Variants in SEC23A observed in about 807,000 individuals in gnomAD.
The protein encoded by SEC23A is SEC23 homolog A, COPII component.
Under a neutral mutation model 103.7 loss-of-function variants are expected in SEC23A, and 56 were observed. The ratio of observed to expected loss-of-function variants is 0.54; its 90% CI spans 0.44 to 0.67. SEC23A has a LOEUF of 0.67. Ranked by LOEUF, SEC23A falls within the 30% of genes least tolerant of loss-of-function variation. SEC23A has a pLI of 0.00. For missense variants in SEC23A, 784 were observed against 936.4 expected, an observed-to-expected ratio of 0.84 and a Z score of 2.12; for synonymous variants, 281 against 293.0, an observed-to-expected ratio of 0.96 and a Z score of 0.42.
chr14:39,070,792 CAT>C, intron 9 of SEC23A, among the ~76,000 whole-genome samples: 1 of 152,280 alleles, frequency 6.6e-6, no homozygotes, highest in African/African-American at 2.4e-5. Flanking sequence ...TTTGGGAGGC[CAT>C]GGCAGGTGGA....
intron 15 of SEC23A, among the ~76,000 whole-genome samples, chr14:39,047,665 C>G (rs577959219): frequency 1.3e-5 from 2 of 152,156 alleles, no homozygotes; most frequent in African/African-American, 2.4e-5. Context: ...TAAAATCATC[C>G]ATTTGGAAGG....
intron 16 of SEC23A, 54 bp from the exon 17 acceptor site, chr14:39,042,926 A>G (rs1342856172): frequency 2.0e-6 from 2 of 1,015,958 alleles, no homozygotes; most frequent in Non-Finnish European, 3.1e-6. Context: ...AATCTACTCA[A>G]TAATATAAAA....
At chr14:39,092,345 G>A (rs957557632) in intron 4 of SEC23A, among the ~76,000 whole-genome samples, 196 bp downstream of exon 4, 3 of 152,122 alleles carry the variant, frequency 2.0e-5, no homozygotes, top group African/African-American at 7.2e-5. Context: ...ACCCTACCCA[G>A]TATCTTGGCC....
At chr14:39,070,975 C>T (rs763578652) in intron 9 of SEC23A, among the ~76,000 whole-genome samples, 18 of 151,666 alleles carry the variant, frequency 1.2e-4, no homozygotes, top group Non-Finnish European at 2.1e-4. Context: ...TGCAGTGAGC[C>T]GAGATCGTGC....
At chr14:39,067,417 G>T in intron 9 of SEC23A, 121 bp from the exon 10 acceptor site, 1 of 1,030,030 alleles carries the variant, frequency 9.7e-7, no homozygotes, top group Non-Finnish European at 1.4e-6. Context: ...TTCCCAAAAT[G>T]TGCTGTATTA....
At position 39,045,247 on chromosome 14, in the gene SEC23A, G is replaced by A. The variant is rs745505951; in HGVS notation, c.1815C>T (p.His605=). The change falls in exon 16 of 20, where the codon CAC becomes CAT. Residue 605 remains histidine, a synonymous_variant. Transcript: ENST00000307712. ...NSPDESSYYR[H]HFMRQDLTQS... ...GGGTCAGATCTTGACGCATAAAATG[G>A]TGACGATAATATGAACTCTCATCAG... 14 of 1,612,844 alleles carry A rather than the reference G, an allele frequency of 8.7e-6. No individual in the cohort carries two copies. The highest frequency in any genetic ancestry group is 1.7e-5 in the Admixed American group (1 of 59,994).
chr14:39,086,535 T>C (rs761621554), intron 6 of SEC23A, among the ~76,000 whole-genome samples: 2 of 152,020 alleles, frequency 1.3e-5, no homozygotes, highest in East Asian at 1.9e-4. Flanking sequence ...GGCAGGAGAA[T>C]TGTTTGAACC....
intron 14 of SEC23A, among the ~76,000 whole-genome samples, chr14:39,050,063 C>T (rs1310816734): frequency 1.3e-5 from 2 of 152,162 alleles, no homozygotes; most frequent in South Asian, 4.1e-4. Flanking sequence ...CCACCGTGCC[C>T]GGCCAAAAAC....
chr14:39,059,302 AAAAAAAAAC>A (rs1886383867), intron 13 of SEC23A, among the ~76,000 whole-genome samples: 3 of 108,458 alleles, frequency 2.8e-5, no homozygotes, highest in Non-Finnish European at 6.0e-5. Flanking sequence ...AAAAAAAAAA[AAAAAAAAAC>A]AACAAGGTGC....
intron 9 of SEC23A, among the ~76,000 whole-genome samples, chr14:39,068,936 TAA>T (rs1186449305): frequency 6.6e-6 from 1 of 152,206 alleles, no homozygotes; most frequent in Non-Finnish European, 1.5e-5. Flanking sequence ...AATTTATAAT[TAA>T]ACTTTGTACA....
chr14:39,039,521 G>C lies in SEC23A; in HGVS notation c.2143-425C>G, dbSNP rs543296501. The C allele has an allele frequency of 5.2e-5, 9 of 172,424 alleles. No homozygotes were observed. The South Asian group carries it at 5.8e-4, about 11-fold the overall frequency. The allele number at this position is 172,424 out of a possible 1,614,324, so 10.7% of individuals were successfully genotyped here. A position where few individuals can be genotyped will look rare whatever the true frequency, so the allele number is the denominator to read the frequency against. On this transcript the variant is annotated intron_variant, in intron 18 of 19. Coordinates refer to ENST00000307712, the MANE Select transcript of SEC23A (RefSeq NM_006364.4). ...TTTCTTAAACCACAGGTGATTCTAT[G>C]AGACAAGTGATCCAACATTTTATCC...
chr14:39,091,112 TA>T, intron 5 of SEC23A: 2 of 391,742 alleles, frequency 5.1e-6, no homozygotes, highest in Non-Finnish European at 4.8e-6. Flanking sequence ...ACCTCTTTTA[TA>T]ACATGTTCAA....
chr14:39,034,966 T>TA (rs1885413805), intron 19 of SEC23A, among the ~76,000 whole-genome samples: 1 of 152,194 alleles, frequency 6.6e-6, no homozygotes, highest in Admixed American at 6.5e-5. Context: ...TGTAAGCTAT[T>TA]AGAGTCCATT....
intron 15 of SEC23A, 110 bp from the exon 16 acceptor site, chr14:39,045,434 T>C: frequency 2.7e-6 from 2 of 737,134 alleles, no homozygotes; most frequent in Non-Finnish European, 4.4e-6. Flanking sequence ...ACAAAACATG[T>C]TATTATAAGA....
intron 7 of SEC23A, among the ~76,000 whole-genome samples, chr14:39,084,436 T>TA (rs1887355594): frequency 6.6e-6 from 1 of 152,190 alleles, no homozygotes; most frequent in Non-Finnish European, 1.5e-5. Context: ...CTTTCCAGAA[T>TA]CATGTCTGTA....
intron 13 of SEC23A, among the ~76,000 whole-genome samples, chr14:39,056,300 T>C (rs7152392): frequency 0.27 from 40,548 of 152,068 alleles, 6,570 homozygotes; most frequent in Non-Finnish European, 0.35. Context: ...AGTCTCCTGA[T>C]TCCCACAACA....
chr14:39,075,602 G>T (rs201225765), intron 8 of SEC23A, among the ~76,000 whole-genome samples: 4 of 152,078 alleles, frequency 2.6e-5, no homozygotes, highest in Non-Finnish European at 5.9e-5. Context: ...CTGCCTCTTG[G>T]AAATGAAAAA....
intron 1 of SEC23A, among the ~76,000 whole-genome samples, chr14:39,098,171 T>G (rs1887956631): frequency 6.6e-6 from 1 of 151,746 alleles, no homozygotes; most frequent in South Asian, 2.1e-4. Flanking sequence ...GGAAAAGTGT[T>G]GAAAGATAAT....
Position 39,061,275 on chromosome 14 carries a change from T to G in SEC23A, c.1505+490A>C, listed in dbSNP as rs1247961352. 2.0e-5 allele frequency among the ~76,000 whole-genome samples: 3 copies of G among 152,120 alleles called. No homozygotes were observed. In the South Asian group the frequency reaches 6.2e-4, roughly 31 times the overall value. On this transcript the variant is annotated intron_variant, in intron 13 of 19. Transcript: ENST00000307712. ...GTCATACAGCAGGAGGCTAAGTACG[T>G]TCACGGCTTCCGCATTCATACTCTC...
Sources: allele counts gnomAD v4.1 joint callset (sites outside exome capture counted in the v4.1 genomes callset), GRCh38; gene constraint gnomAD v4.1.1; transcripts MANE v1.5; gene names NCBI Gene and HGNC (gene_info 2026-07-23, HGNC 2026-07-21).